Variants in SAG observed in about 807,000 individuals in gnomAD.
The protein encoded by SAG is S-arrestin.
SAG carries 45 observed loss-of-function variants against 55.0 expected under a neutral mutation model. The observed-to-expected ratio is 0.82, with a 90% CI of 0.64 to 1.05. The LOEUF is 1.05. SAG is among the 50% of genes least tolerant of loss of function. SAG has a pLI of 0.00. For missense variants in SAG, 455 were observed against 512.1 expected, an observed-to-expected ratio of 0.89 and a Z score of 1.08; for synonymous variants, 189 against 197.4, an observed-to-expected ratio of 0.96 and a Z score of 0.36.
Position 233,309,237 on chromosome 2 carries a change from C to T in SAG, c.48C>T (p.Ile16=). Residue 16 remains isoleucine (I), a synonymous_variant, in exon 2 of 16, where the codon ATC becomes ATT. Coordinates refer to ENST00000409110, the MANE Select transcript of SAG (RefSeq NM_000541.5). ...GCAAGTCCGAACCGAACCATGTTAT[C>T]TTCAAGAAGATCTCCCGGGACAAAT... ...KTSKSEPNHV[I]FKKISRDKSV... 6.2e-7 allele frequency: 1 copy of T among 1,613,808 alleles called. No homozygotes were observed. Among genetic ancestry groups the T allele is most frequent in the Non-Finnish European group, 8.5e-7 (1 of 1,179,774 alleles).
chr2:233,334,812 G>C, intron 10 of SAG, 150 bp from the exon 11 acceptor site: 2 of 809,174 alleles, frequency 2.5e-6, no homozygotes, highest in East Asian at 2.5e-5. Context: ...TCTGCTTCTC[G>C]TAAGTCAAGT....
At chr2:233,338,046 C>T (rs1700993890) in intron 11 of SAG, among the ~76,000 whole-genome samples, 1 of 152,230 alleles carries the variant, frequency 6.6e-6, no homozygotes, top group Non-Finnish European at 1.5e-5. Flanking sequence ...TAAACATTGA[C>T]AGCTCTCACT....
At chr2:233,314,505 C>T (rs760103336) in intron 2 of SAG, among the ~76,000 whole-genome samples, 10 of 152,148 alleles carry the variant, frequency 6.6e-5, no homozygotes, top group Non-Finnish European at 1.5e-4. Context: ...TGGTCAGCCC[C>T]GCAGGGTGGA....
intron 2 of SAG, among the ~76,000 whole-genome samples, chr2:233,311,405 T>G (rs891430357): frequency 1.2e-4 from 19 of 152,256 alleles, no homozygotes; most frequent in African/African-American, 4.3e-4. Context: ...TTCTCTCATA[T>G]CTCATTGGCC....
rs769383039 is a variant in SAG, at chr2:233,346,813, G to T, written c.1119G>T (p.Gln373His). 11 of 1,601,046 alleles carry T rather than the reference G, an allele frequency of 6.9e-6. No homozygotes were observed. The highest frequency in any genetic ancestry group is 9.4e-6 in the Non-Finnish European group (11 of 1,169,600). Residue 373 changes from glutamine to histidine, a missense_variant, in exon 16 of 16, where the codon CAG becomes CAT. Gln to His is a conservative substitution (Grantham distance 24). Transcript: ENST00000409110. The stretch of plus-strand genomic sequence containing the variant: ...GTTGTTTGTTTTATTTTAGTTATCA[G>T]GATGCAAATTTAGTTTTTGAGGAGT... ...QPEDPAKESY[Q>H]DANLVFEEFA...
chr2:233,334,805 G>T, intron 10 of SAG, 157 bp from the exon 11 acceptor site: 4 of 755,734 alleles, frequency 5.3e-6, no homozygotes, highest in Non-Finnish European at 8.9e-6. Context: ...GCACTGTTCT[G>T]CTTCTCGTAA....
Position 233,338,882 on chromosome 2 carries a change from G to C in SAG, c.1022+129G>C, listed in dbSNP as rs867239732. The C allele has an allele frequency of 3.8e-6, 3 of 786,976 alleles. No individual in the cohort carries two copies. The Middle Eastern group carries it at 6.7e-4, about 176-fold the overall frequency. 48.7% of individuals were successfully genotyped at this position (786,976 alleles called of 1,614,324 possible). A position where few individuals can be genotyped will look rare whatever the true frequency, so the allele number is the denominator to read the frequency against. ...CATAGCTTCTACCAAGGATTACCAA[G>C]TAGAGCTTGGGAGAGATTCTGTTTG... On this transcript the variant is annotated intron_variant, in intron 12 of 15. Transcript: ENST00000409110.
chr2:233,322,577 G>A (rs1020818047), intron 5 of SAG, among the ~76,000 whole-genome samples: 1 of 152,154 alleles, frequency 6.6e-6, no homozygotes, highest in African/African-American at 2.4e-5. Context: ...AAGGTGGGTG[G>A]ATTACTTAAG....
At chr2:233,323,590 C>T (rs1484117517) in intron 6 of SAG, among the ~76,000 whole-genome samples, 1 of 148,132 alleles carries the variant, frequency 6.8e-6, no homozygotes, top group Non-Finnish European at 1.5e-5. Context: ...CTCGAACTCC[C>T]GACCTCAGGT....
intron 1 of SAG, 93 bp from the exon 2 acceptor site, chr2:233,309,069 G>T (rs563108416): frequency 8.6e-6 from 6 of 701,416 alleles, no homozygotes; most frequent in Middle Eastern, 4.9e-4. Flanking sequence ...ACAGGATCTC[G>T]TGAGTAGGTT....
intron 13 of SAG, among the ~76,000 whole-genome samples, chr2:233,342,014 C>T (rs1239417911): frequency 6.6e-6 from 1 of 151,768 alleles, no homozygotes; most frequent in Non-Finnish European, 1.5e-5. Flanking sequence ...GTCCCAGCTA[C>T]TCGGGAGGCT....
chr2:233,319,337 G>A lies in SAG; in HGVS notation c.181+542G>A, dbSNP rs1487675518. Among the ~76,000 whole-genome samples, 1 of 152,114 alleles carries A rather than the reference G, an allele frequency of 6.6e-6. No homozygotes were observed. The highest frequency in any genetic ancestry group is 1.5e-5 in the Non-Finnish European group (1 of 68,032). ...CAGAATTTATTATGGTGCTTACTTC[G>A]ATGGTTCTGAACCAGTGTCACGGCG... On this transcript the variant is annotated intron_variant, in intron 4 of 15. Transcript: ENST00000409110. The surrounding 1 kb of genome is among the most constrained non-coding windows in gnomAD (Gnocchi z 4.4).
intron 3 of SAG, among the ~76,000 whole-genome samples, chr2:233,316,562 C>T (rs1398902879): frequency 2.0e-5 from 3 of 151,928 alleles, no homozygotes; most frequent in Non-Finnish European, 4.4e-5. Flanking sequence ...CCGCCCGCCT[C>T]GGCCTCCCAA....
chr2:233,316,823 T>C (rs1700227263), intron 3 of SAG, among the ~76,000 whole-genome samples: 1 of 152,232 alleles, frequency 6.6e-6, no homozygotes, highest in African/African-American at 2.4e-5. Flanking sequence ...AGATTAAAGC[T>C]ACAGTGAGAG....
At chr2:233,343,657 G>C in intron 14 of SAG, 1 of 1,259,924 alleles carries the variant, frequency 7.9e-7, no homozygotes, top group Non-Finnish European at 1.0e-6. Flanking sequence ...AATAATATAG[G>C]TGAAATCTCA....
chr2:233,324,955 G>A (rs1308288188), intron 6 of SAG, among the ~76,000 whole-genome samples: 1 of 152,168 alleles, frequency 6.6e-6, no homozygotes, highest in Non-Finnish European at 1.5e-5. Context: ...ACAGGGTGCG[G>A]TGGCTCATGC....
chr2:233,328,323 A>C, intron 7 of SAG, 155 bp from the exon 8 acceptor site: 1 of 813,552 alleles, frequency 1.2e-6, no homozygotes, highest in South Asian at 2.1e-5. Context: ...GGGCTGCCTC[A>C]GGCTCTGACC....
At chr2:233,330,522 TTCCTTCCTTCCTTCCTTC>T (rs1700723403) in intron 9 of SAG, among the ~76,000 whole-genome samples, 1 of 148,948 alleles carries the variant, frequency 6.7e-6, no homozygotes. Context: ...CCTTCCTTCC[TTCCTTCCTTCCTTCCTTC>T]CTCCCTTTCT....
rs114764762 is a variant in SAG, at chr2:233,346,578, G to A, written c.1112+166G>A. On this transcript the variant is annotated intron_variant, in intron 15 of 15. Transcript: ENST00000409110. ...GCTCCCTAGTGCTTACGGCACGCACGCACCATTACACTGGGTGTGCTTGCT... is the reference window on the plus strand; with the variant it reads ...GCTCCCTAGTGCTTACGGCACGCACACACCATTACACTGGGTGTGCTTGCT... 6.2e-3 allele frequency among the ~76,000 whole-genome samples: 941 copies of A among 152,304 alleles called. 8 individuals are homozygous for A. The highest frequency in any genetic ancestry group is 0.021 in the African/African-American group (880 of 41,558).
Sources: gnomAD v4.1 joint callset for allele counts (sites outside exome capture counted in the v4.1 genomes callset) on GRCh38, gnomAD v4.1.1 for gene constraint, Gnocchi (gnomAD v3.1) non-coding constraint, MANE v1.5 for transcripts, NCBI Gene and HGNC (gene_info 2026-07-23, HGNC 2026-07-21) for gene names.